Variants in EYS observed in about 807,000 individuals in gnomAD.
The protein encoded by EYS is protein eyes shut homolog.
In EYS, 250 loss-of-function variants were observed where a neutral mutation model predicts 282.1. The observed-to-expected ratio is 0.89, with a 90% CI of 0.80 to 0.98. EYS has a LOEUF of 0.98. EYS is among the 50% of genes least tolerant of loss of function. The pLI is 0.00. For synonymous variants in EYS, 1,355 were observed against 1,282.9 expected (o/e 1.06, Z -1.20); for missense variants, 4,016 against 3,709.0 (o/e 1.08, Z -2.15).
intron 12 of EYS, among the ~76,000 whole-genome samples, chr6:65,250,244 C>G (rs1767286923): frequency 1.3e-5 from 2 of 151,998 alleles, no homozygotes; most frequent in Admixed American, 1.3e-4. Context: ...ATGATGAAGT[C>G]TGGAGAGTGT....
Position 63,984,392 on chromosome 6 carries a change from G to A in EYS, c.7046C>T (p.Thr2349Ile). Residue 2349 changes from threonine (T) to isoleucine (I), a missense_variant, in exon 35 of 43, where the codon ACC becomes ATC. Physicochemically the swap from Thr to Ile is moderately conservative, Grantham distance 89. Transcript: ENST00000503581. ...GGAGACTAATACTGACCTGATGCAG[G>A]TGCCATTGTTGCGGCACAGATGATG... ...CAHHLCRNNG[T>I]CISDNENLFC... 6.5e-7 allele frequency: 1 copy of A among 1,547,450 alleles called. No homozygotes were observed.
chr6:64,423,283 A>G (rs2150453556), intron 28 of EYS, among the ~76,000 whole-genome samples: 1 of 152,358 alleles, frequency 6.6e-6, no homozygotes, highest in East Asian at 1.9e-4. Flanking sequence ...AAGATGTCAC[A>G]TGCTATACAG....
intron 30 of EYS, among the ~76,000 whole-genome samples, chr6:64,252,895 T>C (rs1323154553): frequency 6.6e-6 from 1 of 152,190 alleles, no homozygotes; most frequent in African/African-American, 2.4e-5. Flanking sequence ...AGTGATTTTA[T>C]CTATTTCTTC....
chr6:64,093,167 T>G (rs1772436964), intron 31 of EYS, among the ~76,000 whole-genome samples: 1 of 152,038 alleles, frequency 6.6e-6, no homozygotes, highest in Admixed American at 6.6e-5. Context: ...CCTTGTAGGA[T>G]AGTTTGAAGT....
Position 65,495,159 on chromosome 6 carries a change from T to C in EYS, c.252A>G (p.Leu84=), listed in dbSNP as rs1766203633. ...VPQICPLQIQ[L]GDILVISSEP... Reference sequence around the variant, plus strand: ...CAGAAGAAATTACAAGGATATCTCCTAATTGAATTTGCAAAGGGCAAATCT... The same window carrying C: ...CAGAAGAAATTACAAGGATATCTCCCAATTGAATTTGCAAAGGGCAAATCT... Residue 84 remains leucine, a synonymous_variant, in exon 4 of 43, where the codon TTA becomes TTG. Transcript: ENST00000503581. 6.2e-7 allele frequency: 1 copy of C among 1,614,024 alleles called. No individual in the cohort carries two copies. Among genetic ancestry groups the C allele is most frequent in the African/African-American group, 1.3e-5 (1 of 75,046 alleles).
intron 19 of EYS, among the ~76,000 whole-genome samples, chr6:64,835,545 T>A (rs1013685727): frequency 2.6e-5 from 4 of 151,684 alleles, no homozygotes; most frequent in Non-Finnish European, 4.4e-5. Flanking sequence ...TTATCAACAC[T>A]CACTGAATCT....
chr6:64,448,478 T>C lies in EYS; in HGVS notation c.5645-9126A>G, dbSNP rs147677878. Among the ~76,000 whole-genome samples the C allele has an allele frequency of 9.9e-5, 15 of 151,986 alleles. No homozygotes were observed. The East Asian group carries it at 2.7e-3, about 28-fold the overall frequency. ...CAGCAATAACCTCTGCAGACTTAAA[T>C]GTCCCTGTCCGATAGCTTTGAAGAG... On this transcript the variant is annotated intron_variant, in intron 26 of 42. Transcript: ENST00000503581.
intron 24 of EYS, among the ~76,000 whole-genome samples, chr6:64,612,683 A>G (rs1767150344): frequency 6.6e-6 from 1 of 152,100 alleles, no homozygotes; most frequent in African/African-American, 2.4e-5. Flanking sequence ...ATTCTCAGAA[A>G]TAAAGAAAAA....
intron 19 of EYS, among the ~76,000 whole-genome samples, chr6:64,866,423 G>A (rs1477694684): frequency 6.6e-6 from 1 of 151,822 alleles, no homozygotes; most frequent in African/African-American, 2.4e-5. Context: ...ATATAAGAAT[G>A]AATAGCTTCT....
intron 36 of EYS, among the ~76,000 whole-genome samples, chr6:63,862,577 T>C (rs1466833853): frequency 1.3e-5 from 2 of 152,220 alleles, no homozygotes; most frequent in Non-Finnish European, 2.9e-5. Flanking sequence ...ACAAAGACAT[T>C]CTTCTAAATC....
intron 2 of EYS, among the ~76,000 whole-genome samples, chr6:65,533,568 C>T (rs574991315): frequency 6.6e-6 from 1 of 151,986 alleles, no homozygotes; most frequent in Non-Finnish European, 1.5e-5. Context: ...TGATGAATAT[C>T]CCTAATGTGG....
chr6:65,248,105 C>G (rs531872168), intron 12 of EYS, among the ~76,000 whole-genome samples: 1 of 151,982 alleles, frequency 6.6e-6, no homozygotes, highest in South Asian at 2.1e-4. Context: ...TCCTCCTCAG[C>G]TGGTTTTGGC....
chr6:64,610,379 AC>A (rs1395556122), intron 24 of EYS, among the ~76,000 whole-genome samples: 1 of 149,220 alleles, frequency 6.7e-6, no homozygotes, highest in Admixed American at 6.7e-5. Flanking sequence ...TACTCCATTT[AC>A]CAATAAAAAC....
At chr6:64,837,714 T>G (rs1413718787) in intron 19 of EYS, among the ~76,000 whole-genome samples, 2 of 145,432 alleles carry the variant, frequency 1.4e-5, no homozygotes, top group Non-Finnish European at 3.0e-5. Flanking sequence ...TCCTAAAGAG[T>G]CCACCAAAAA....
chr6:64,602,878 C>A (rs914850127), intron 24 of EYS, among the ~76,000 whole-genome samples: 3 of 151,954 alleles, frequency 2.0e-5, no homozygotes, highest in Non-Finnish European at 2.9e-5. Flanking sequence ...AACCACCCTA[C>A]CTAAACATGT....
intron 29 of EYS, among the ~76,000 whole-genome samples, chr6:64,361,234 G>C (rs766961000): frequency 2.4e-4 from 36 of 150,162 alleles, no homozygotes; most frequent in Non-Finnish European, 4.4e-5. Context: ...CCTACTATGT[G>C]CAAGGCCCTG....
intron 28 of EYS, among the ~76,000 whole-genome samples, chr6:64,392,009 A>C (rs1773170210): frequency 6.6e-6 from 1 of 151,900 alleles, no homozygotes; most frequent in Admixed American, 6.6e-5. Flanking sequence ...TAAACCAACA[A>C]ACATCAAAAG....
intron 2 of EYS, among the ~76,000 whole-genome samples, chr6:65,595,332 C>G (rs1470516800): frequency 6.6e-6 from 1 of 151,842 alleles, no homozygotes; most frequent in Non-Finnish European, 1.5e-5. Flanking sequence ...GGTAGGTGGA[C>G]AGGGGAGGGA....
chr6:64,521,074 G>A (rs969571335), intron 26 of EYS, among the ~76,000 whole-genome samples: 1 of 151,742 alleles, frequency 6.6e-6, no homozygotes, highest in African/African-American at 2.4e-5. Context: ...TGACATACAG[G>A]AATAGCCTGA....
Sources: gnomAD v4.1 joint callset for allele counts (sites outside exome capture counted in the v4.1 genomes callset) on GRCh38, gnomAD v4.1.1 for gene constraint, MANE v1.5 for transcripts, NCBI Gene and HGNC (gene_info 2026-07-23, HGNC 2026-07-21) for gene names.